SPTBN5: variants seen among roughly 807,000 people sequenced by gnomAD.
SPTBN5 encodes the protein spectrin beta chain, non-erythrocytic 5.
Under a neutral mutation model 477.6 loss-of-function variants are expected in SPTBN5, and 513 were observed. The ratio of observed to expected loss-of-function variants is 1.07; its 90% confidence interval spans 1.00 to 1.16. The LOEUF (loss-of-function observed/expected upper bound fraction) is 1.16, where lower values mean the gene tolerates loss of function less well. SPTBN5 is among the 50% of genes most tolerant of loss of function. SPTBN5 has a pLI of 0.00. For missense variants in SPTBN5, 5,062 were observed against 4,731.8 expected (o/e 1.07, Z -2.05); for synonymous variants, 2,169 against 2,011.7 (o/e 1.08, Z -2.09).
In SPTBN5 at chr15:41,882,434, C is replaced by T; in HGVS notation, c.2082G>A (p.Val694=). ...LEAEVHRHQA[V]CVDLVRRGRD... is the part of the protein sequence containing the mutation. ...GTCCCCTCCGCACGAGATCTACGCA[C>T]ACGGCCTGGTGGCGGTGGACCTCAG... Residue 694 remains valine (V), a synonymous_variant, in exon 11 of 68, where the codon GTG becomes GTA. Transcript: ENST00000320955. The T allele has an allele frequency of 6.5e-7, 1 of 1,549,988 alleles. No individual in the cohort carries two copies. The highest frequency in any genetic ancestry group is 1.2e-5 in the South Asian group (1 of 84,816).
Position 41,850,061 on chromosome 15 carries a change from T to G in SPTBN5, c.10922-102A>C, listed in dbSNP as rs2065700601. ...CAGCTTCTGGAGGCTCAGCACAGCC[T>G]TAGGCAGCCTGGCTATGCCAGGCCC... On this transcript the variant is annotated intron_variant, in intron 66 of 67. Transcript: ENST00000320955. 1.6e-5 allele frequency: 16 copies of G among 997,008 alleles called. No individual in the cohort carries two copies. In the South Asian group the frequency reaches 2.2e-4, roughly 14 times the overall value. 61.8% of individuals were successfully genotyped at this position (997,008 alleles called of 1,614,324 possible). A position where few individuals can be genotyped will look rare whatever the true frequency, so the allele number is the denominator to read the frequency against.
chr15:41,881,845 G>T, intron 12 of SPTBN5, 91 bp downstream of exon 12: 1 of 1,263,102 alleles, frequency 7.9e-7, no homozygotes, highest in Non-Finnish European at 1.1e-6. Context: ...TGGGCCAGAG[G>T]CCACAAAGGC....
In SPTBN5 at chr15:41,886,852, G is replaced by A. The variant is rs531076453; in HGVS notation, c.888+361C>T. On this transcript the variant is annotated intron_variant, in intron 6 of 67. Coordinates refer to ENST00000320955, the MANE Select transcript of SPTBN5 (RefSeq NM_016642.4). ...AAAACATGAATTCTGCGTAGCCCCC[G>A]CTGGCAGAGCCTTTTCTGTGCCTGT... Among the ~76,000 whole-genome samples the A allele has an allele frequency of 5.9e-5, 9 of 152,352 alleles. No homozygotes were observed. In the South Asian group the frequency reaches 1.2e-3, roughly 21 times the overall value.
Position 41,855,290 on chromosome 15 carries a change from G to A in SPTBN5, c.9357C>T (p.Ala3119=). 1 of 1,612,064 alleles carries A rather than the reference G, an allele frequency of 6.2e-7. No homozygotes were observed. Among genetic ancestry groups the A allele is most frequent in the Non-Finnish European group, 8.5e-7 (1 of 1,179,794 alleles). ...QLERETLLLD[A]WLTTKAATAE... is the part of the protein sequence containing the mutation. ...CGGTGGCCGCCTTGGTGGTCAGCCA[G>A]GCGTCGAGGAGCAGGGTCTCTCGCT... is the stretch of plus-strand genomic sequence containing the variant. Residue 3119 remains alanine, a synonymous_variant, in exon 55 of 68, where the codon GCC becomes GCT. Transcript: ENST00000320955.
chr15:41,854,967 C>A lies in SPTBN5; in HGVS notation c.9433G>T (p.Glu3145Ter). Residue 3145 changes from glutamate (E) to a stop codon, truncating the protein, a stop_gained, in exon 56 of 68, where the codon GAG (glutamate) becomes TAG (stop). Coordinates refer to ENST00000320955, the MANE Select transcript of SPTBN5 (RefSeq NM_016642.4). LOFTEE classifies it high-confidence loss of function. ...TCCTTTCTGAAAGCATCAAACTTCTCTTCCAGCACCTGCAAAGGTATGAGG... is the reference window on the plus strand; with the variant it reads ...TCCTTTCTGAAAGCATCAAACTTCTATTCCAGCACCTGCAAAGGTATGAGG... ...QDLEGVKVLE[E>*]KFDAFRKEVQ... is the part of the protein sequence containing the mutation. 1 of 1,543,274 alleles carries A rather than the reference C, an allele frequency of 6.5e-7. No homozygotes were observed. Among genetic ancestry groups the A allele is most frequent in the South Asian group, 1.2e-5 (1 of 80,548 alleles).
chr15:41,879,941 G>A (rs1443615512), intron 14 of SPTBN5, 77 bp from the exon 15 acceptor site: 1 of 1,572,558 alleles, frequency 6.4e-7, no homozygotes, highest in East Asian at 2.3e-5. Flanking sequence ...TGACGGACCT[G>A]AGTGGTGCTC....
Position 41,851,274 on chromosome 15 carries a change from G to A in SPTBN5, c.10743+9C>T, listed in dbSNP as rs756592995. The A allele has an allele frequency of 5.5e-5, 86 of 1,551,120 alleles. 1 individual carries two copies. In the South Asian group the frequency reaches 7.3e-4, roughly 13 times the overall value. ...CTGATGTCTGCATCTCCCCTACCCCGCCTGGTACCTCCGCTGCCATCCTCT... is the reference window on the plus strand; with the variant it reads ...CTGATGTCTGCATCTCCCCTACCCCACCTGGTACCTCCGCTGCCATCCTCT... On this transcript the variant is annotated intron_variant, in intron 64 of 67. Transcript: ENST00000320955.
At chr15:41,880,345 G>A in intron 13 of SPTBN5, 33 bp from the exon 14 acceptor site, 8 of 1,566,062 alleles carry the variant, frequency 5.1e-6, no homozygotes, top group South Asian at 1.2e-5. Flanking sequence ...TGGGGTGAGG[G>A]TCAGGGCCCC....
intron 60 of SPTBN5, 32 bp from the exon 61 acceptor site, chr15:41,852,767 CT>C: frequency 1.4e-6 from 2 of 1,465,506 alleles, no homozygotes; most frequent in Non-Finnish European, 1.9e-6. Flanking sequence ...TGACGCCCAG[CT>C]TGGGGGGGGG....
intron 46 of SPTBN5, 73 bp from the exon 47 acceptor site, chr15:41,860,831 T>G: frequency 1.5e-6 from 2 of 1,355,666 alleles, no homozygotes; most frequent in Admixed American, 3.3e-5. Context: ...CCTTCCCACC[T>G]AGAACCATCC....
chr15:41,879,217 T>C (rs1170732634), intron 16 of SPTBN5, 43 bp downstream of exon 16: 2 of 1,576,298 alleles, frequency 1.3e-6, no homozygotes, highest in East Asian at 2.3e-5. Context: ...CGCCTTCCCA[T>C]GGTCCTCACT....
At position 41,850,968 on chromosome 15, in the gene SPTBN5, C is replaced by A. The variant is rs764337656; in HGVS notation, c.10836-29G>T. ...GCACCCACAGTCACAGGTCAAACTC[C>A]ACTGTCCCTTTGGGGACCCCCACGC... On this transcript the variant is annotated intron_variant, in intron 65 of 67. Transcript: ENST00000320955. 3 of 1,593,240 alleles carry A rather than the reference C, an allele frequency of 1.9e-6. No individual in the cohort carries two copies. The African/African-American group carries it at 4.0e-5, about 21-fold the overall frequency.
At chr15:41,849,757 C>T in intron 67 of SPTBN5, 112 bp downstream of exon 67, 2 of 815,468 alleles carry the variant, frequency 2.5e-6, no homozygotes, top group Non-Finnish European at 4.0e-6. Flanking sequence ...CATTTCCCTA[C>T]AGCCCAACAG....
intron 16 of SPTBN5, 32 bp from the exon 17 acceptor site, chr15:41,878,661 C>T: frequency 6.3e-7 from 1 of 1,589,784 alleles, no homozygotes; most frequent in Non-Finnish European, 8.6e-7. Flanking sequence ...ACAGTCAGTG[C>T]CCTGTCCTGG....
chr15:41,882,029 C>A lies in SPTBN5; in HGVS notation c.2364G>T (p.Val788=). The A allele has an allele frequency of 1.0e-5, 16 of 1,546,642 alleles. No individual in the cohort carries two copies. Among genetic ancestry groups the A allele is most frequent in the Non-Finnish European group, 1.3e-5 (15 of 1,157,028 alleles). ...AAAETLLRRH[V]RLERVLRAFA... ...AGGCGCGCAGGACGCGCTCCAGCCG[C>A]ACGTGGCGCCTCAGCAGGGTCTCGG... Residue 788 remains valine (V), a synonymous_variant, in exon 12 of 68, where the codon GTG becomes GTT. Transcript: ENST00000320955.
chr15:41,853,581 C>T lies in SPTBN5; in HGVS notation c.9980+1G>A, dbSNP rs2065843888. On this transcript the variant is annotated splice_donor_variant, in intron 58 of 67. Coordinates refer to ENST00000320955, the MANE Select transcript of SPTBN5 (RefSeq NM_016642.4). LOFTEE classifies it high-confidence loss of function. The stretch of plus-strand genomic sequence containing the variant: ...GCCGGCAGCTGAGGTAGGACACCTA[C>T]AGCAGTTCCTGGCAGCGCCCGAGGA... 7 of 1,570,136 alleles carry T rather than the reference C, an allele frequency of 4.5e-6. No individual in the cohort carries two copies. The highest frequency in any genetic ancestry group is 3.4e-4 in the Middle Eastern group (2 of 5,930).
At position 41,893,073 on chromosome 15, in the gene SPTBN5, A is replaced by C; in HGVS notation, c.217-12T>G. On this transcript the variant is annotated splice_polypyrimidine_tract_variant and intron_variant, in intron 2 of 67. Coordinates refer to ENST00000320955, the MANE Select transcript of SPTBN5 (RefSeq NM_016642.4). ...ATCTTGATGCCCGCCTGGGGAGGGG[A>C]CAGGGGTAAGTATGGGGTCAGCCCA... The C allele has an allele frequency of 6.2e-7, 1 of 1,609,062 alleles. No individual in the cohort carries two copies. The highest frequency in any genetic ancestry group is 1.1e-5 in the South Asian group (1 of 90,822).
chr15:41,888,612 C>T (rs2067223596), intron 4 of SPTBN5, among the ~76,000 whole-genome samples: 1 of 152,206 alleles, frequency 6.6e-6, no homozygotes. Context: ...ATGGAGGCAC[C>T]ACTATGCCCA....
At chr15:41,850,756 C>G in intron 66 of SPTBN5, 98 bp downstream of exon 66, 1 of 1,054,752 alleles carries the variant, frequency 9.5e-7, no homozygotes, top group Non-Finnish European at 1.3e-6. Flanking sequence ...GAGATGCTAA[C>G]TGTGAAACCT....
Sources: gnomAD v4.1 joint callset for allele counts (sites outside exome capture counted in the v4.1 genomes callset) on GRCh38, gnomAD v4.1.1 for gene constraint, MANE v1.5 for transcripts, NCBI Gene and HGNC (gene_info 2026-07-23, HGNC 2026-07-21) for gene names.